Variants in NRCAM observed in about 807,000 individuals in gnomAD.
The protein encoded by NRCAM is NgCAM-related cell adhesion molecule.
Under a neutral mutation model 156.5 loss-of-function variants are expected in NRCAM, and 83 were observed. The observed-to-expected ratio is 0.53, with a 90% CI of 0.44 to 0.64. The LOEUF (loss-of-function observed/expected upper bound fraction) is 0.64. Ranked by LOEUF, NRCAM falls within the 30% of genes least tolerant of loss-of-function variation. The probability of loss-of-function intolerance (pLI) is 0.00; values close to 1 mark genes in which losing one functional copy is unlikely to be tolerated. For synonymous variants in NRCAM, 538 were observed against 563.9 expected, an observed-to-expected ratio of 0.95 and a Z score of 0.65; for missense variants, 1,417 against 1,597.3, an observed-to-expected ratio of 0.89 and a Z score of 1.92.
At position 108,456,297 on chromosome 7, in the gene NRCAM, C is replaced by A. The variant is rs961812992; in HGVS notation, c.-386G>T. 4 of 152,226 alleles carry A rather than the reference C, an allele frequency of 2.6e-5. No homozygotes were observed. Among genetic ancestry groups the A allele is most frequent in the African/African-American group, 9.7e-5 (4 of 41,416 alleles). 9.4% of individuals were successfully genotyped at this position (152,226 alleles called of 1,614,324 possible). A position where few individuals can be genotyped will look rare whatever the true frequency, so the allele number is the denominator to read the frequency against. On this transcript the variant is annotated 5_prime_UTR_variant, in exon 1 of 33. Transcript: ENST00000379028. ...TGGCGCGACTGCCCAGGACCCTGGA[C>A]CGCCGGTGTCCTCCGTTCTCGACGA... is the stretch of plus-strand genomic sequence containing the variant.
At chr7:108,376,850 C>T (rs555616405) in intron 2 of NRCAM, among the ~76,000 whole-genome samples, 11 of 152,184 alleles carry the variant, frequency 7.2e-5, no homozygotes, top group African/African-American at 1.7e-4. Context: ...CACTGAAAAC[C>T]GACAGTTAAT....
chr7:108,374,311 C>A (rs2099653113), intron 2 of NRCAM, among the ~76,000 whole-genome samples: 1 of 152,064 alleles, frequency 6.6e-6, no homozygotes, highest in African/African-American at 2.4e-5. Flanking sequence ...CAACTGATAA[C>A]TGAACAAAAT....
At chr7:108,439,004 G>A (rs913830195) in intron 1 of NRCAM, among the ~76,000 whole-genome samples, 1 of 152,114 alleles carries the variant, frequency 6.6e-6, no homozygotes, top group African/African-American at 2.4e-5. Flanking sequence ...TAAATGTTAT[G>A]AATTGGAAGA....
intron 30 of NRCAM, among the ~76,000 whole-genome samples, chr7:108,161,979 T>C (rs1217246851): frequency 6.6e-6 from 1 of 152,220 alleles, no homozygotes; most frequent in Non-Finnish European, 1.5e-5. Flanking sequence ...ACCATAGTCA[T>C]GATGATGAAG....
chr7:108,150,967 T>C (rs986749731), intron 32 of NRCAM, among the ~76,000 whole-genome samples: 16 of 152,166 alleles, frequency 1.1e-4, no homozygotes, highest in Non-Finnish European at 5.9e-5. Flanking sequence ...CCTACACTCA[T>C]GTTAACCCCC....
chr7:108,255,072 C>T (rs2096560680), intron 3 of NRCAM, among the ~76,000 whole-genome samples: 1 of 152,088 alleles, frequency 6.6e-6, no homozygotes, highest in Non-Finnish European at 1.5e-5. Flanking sequence ...AAGTATTCAG[C>T]AATAACAAAG....
intron 29 of NRCAM, among the ~76,000 whole-genome samples, chr7:108,167,440 A>G (rs1255408970): frequency 6.9e-6 from 1 of 144,150 alleles, no homozygotes; most frequent in Admixed American, 6.6e-5. Flanking sequence ...AGCTTAAGTG[A>G]ACTATGGGAA....
intron 26 of NRCAM, among the ~76,000 whole-genome samples, chr7:108,177,624 A>AATAT (rs59391934): frequency 0.01 from 806 of 79,620 alleles, 6 homozygotes; most frequent in Middle Eastern, 0.038. Flanking sequence ...CTCCATCTCA[A>AATAT]ATATATATAT....
chr7:108,227,660 C>A (rs1466283573), intron 8 of NRCAM, among the ~76,000 whole-genome samples: 1 of 145,898 alleles, frequency 6.9e-6, no homozygotes, highest in Non-Finnish European at 1.5e-5. Context: ...CCTGAAGCTC[C>A]TGACTTAGTC....
chr7:108,184,114 AT>A, intron 22 of NRCAM, 126 bp downstream of exon 22: 1 of 37,586 alleles, frequency 2.7e-5, no homozygotes, highest in South Asian at 3.8e-4. Flanking sequence ...ATGTATCTTT[AT>A]ATATATATAT....
At chr7:108,325,771 C>T (rs1374546537) in intron 2 of NRCAM, among the ~76,000 whole-genome samples, 4 of 151,842 alleles carry the variant, frequency 2.6e-5, no homozygotes, top group Admixed American at 2.6e-4. Flanking sequence ...AGAACAATGC[C>T]TAAAACAGAG....
chr7:108,322,929 A>G (rs1206527983), intron 2 of NRCAM, among the ~76,000 whole-genome samples: 3 of 152,226 alleles, frequency 2.0e-5, no homozygotes, highest in Non-Finnish European at 4.4e-5. Flanking sequence ...ACCAAGTGAC[A>G]TTAAGCAAAT....
chr7:108,297,801 A>ATG (rs2098480986), intron 3 of NRCAM, among the ~76,000 whole-genome samples: 2 of 152,240 alleles, frequency 1.3e-5, no homozygotes, highest in Non-Finnish European at 2.9e-5. Context: ...ATGCGCACGT[A>ATG]TGTGTGTGTA....
chr7:108,443,169 C>A (rs1473905007), intron 1 of NRCAM, among the ~76,000 whole-genome samples: 2 of 145,024 alleles, frequency 1.4e-5, no homozygotes, highest in African/African-American at 5.1e-5. Flanking sequence ...TTATTTAAAA[C>A]AATTAGACCT....
At chr7:108,385,124 G>A (rs911092138) in intron 2 of NRCAM, among the ~76,000 whole-genome samples, 9 of 152,174 alleles carry the variant, frequency 5.9e-5, no homozygotes, top group Admixed American at 2.0e-4. Context: ...AACTTAAGGC[G>A]TTATGAGGAA....
chr7:108,259,718 T>C (rs1371482840), intron 3 of NRCAM, among the ~76,000 whole-genome samples: 3 of 152,164 alleles, frequency 2.0e-5, no homozygotes, highest in Admixed American at 6.5e-5. Flanking sequence ...CTGGAAGCCA[T>C]TATCCTCAGT....
intron 2 of NRCAM, among the ~76,000 whole-genome samples, chr7:108,372,373 AC>A (rs59576404): frequency 0.79 from 109,564 of 138,318 alleles, 40,490 homozygotes; most frequent in African/African-American, 0.89. Context: ...AACAACAACA[AC>A]AAAAAATCTG....
Position 108,299,807 on chromosome 7 carries a change from T to G in NRCAM, c.-107+12858A>C, listed in dbSNP as rs113946245. Among the ~76,000 whole-genome samples the G allele has an allele frequency of 6.6e-4, 101 of 152,302 alleles. 2 individuals carry two copies. Among genetic ancestry groups the G allele is most frequent in the African/African-American group, 2.4e-3 (100 of 41,560 alleles). ...AGCATTCTGGTGGGCACATTTTGTG[T>G]CCAAGCAGCGATGTGGTGGTGAAGT... On this transcript the variant is annotated intron_variant, in intron 3 of 32. Coordinates refer to ENST00000379028, the MANE Select transcript of NRCAM (RefSeq NM_001037132.4).
At chr7:108,375,760 A>C (rs2099672599) in intron 2 of NRCAM, among the ~76,000 whole-genome samples, 1 of 152,228 alleles carries the variant, frequency 6.6e-6, no homozygotes, top group Non-Finnish European at 1.5e-5. Context: ...TCCTCCAAAC[A>C]AATTTTTTCA....
Sources: allele counts gnomAD v4.1 joint callset (sites outside exome capture counted in the v4.1 genomes callset), GRCh38; gene constraint gnomAD v4.1.1; transcripts MANE v1.5; gene names NCBI Gene and HGNC (gene_info 2026-07-23, HGNC 2026-07-21).